The following KCNB2 variants were observed in gnomAD, a reference collection of about 807,000 sequenced individuals.
The protein encoded by KCNB2 is potassium voltage-gated channel subfamily B member 2.
A neutral mutation model predicts 61.5 loss-of-function variants in KCNB2; 15 were observed. That is an observed-to-expected ratio of 0.24 (90% CI 0.16 to 0.38). KCNB2 has a LOEUF of 0.38. Among genes scored for constraint, KCNB2 ranks in the 10% least tolerant of loss-of-function variants. The pLI is 1.00. For synonymous variants in KCNB2, 457 were observed against 446.0 expected, an observed-to-expected ratio of 1.02 and a Z score of -0.31; for missense variants, 828 against 1,125.2, an observed-to-expected ratio of 0.74 and a Z score of 3.78.
chr8:72,538,261 G>C (rs1181374255), intron 1 of KCNB2, among the ~76,000 whole-genome samples: 1 of 152,148 alleles, frequency 6.6e-6, no homozygotes, highest in Admixed American at 6.5e-5. Context: ...ACGATCCTCA[G>C]AACACAGAGA....
chr8:72,695,118 T>G (rs1806999245), intron 2 of KCNB2, among the ~76,000 whole-genome samples: 1 of 152,180 alleles, frequency 6.6e-6, no homozygotes, highest in Admixed American at 6.5e-5. Context: ...ATTTGAGGAC[T>G]AAATGATATA....
At chr8:72,591,322 C>T (rs577708179) in intron 2 of KCNB2, among the ~76,000 whole-genome samples, 5 of 152,260 alleles carry the variant, frequency 3.3e-5, no homozygotes, top group African/African-American at 9.6e-5. Flanking sequence ...TCTTTCAGGG[C>T]ATCCAATAGG....
intron 1 of KCNB2, among the ~76,000 whole-genome samples, chr8:72,558,186 C>T (rs917363095): frequency 6.6e-6 from 1 of 152,102 alleles, no homozygotes; most frequent in African/African-American, 2.4e-5. Flanking sequence ...AGGTTTAAGC[C>T]CTCATGGCAA....
chr8:72,632,018 C>T (rs1218375619), intron 2 of KCNB2, among the ~76,000 whole-genome samples: 1 of 152,060 alleles, frequency 6.6e-6, no homozygotes, highest in Admixed American at 6.6e-5. Flanking sequence ...AGGAGGATCA[C>T]TTGAGGCCAG....
intron 2 of KCNB2, among the ~76,000 whole-genome samples, chr8:72,735,096 A>G (rs1307297853): frequency 6.6e-6 from 1 of 152,180 alleles, no homozygotes; most frequent in Admixed American, 6.6e-5. Context: ...GAGCATCACC[A>G]TGATTCATAG....
chr8:72,786,854 T>C (rs1338776566), intron 2 of KCNB2, among the ~76,000 whole-genome samples: 1 of 152,134 alleles, frequency 6.6e-6, no homozygotes. Context: ...AGAACAGACA[T>C]CTCATTTTCC....
At chr8:72,708,359 A>G (rs1807268499) in intron 2 of KCNB2, among the ~76,000 whole-genome samples, 1 of 152,238 alleles carries the variant, frequency 6.6e-6, no homozygotes, top group African/African-American at 2.4e-5. Context: ...ATTGTTGGAC[A>G]AACAGCTAAG....
intron 2 of KCNB2, among the ~76,000 whole-genome samples, chr8:72,866,370 G>A (rs1805518707): frequency 6.6e-6 from 1 of 152,188 alleles, no homozygotes; most frequent in African/African-American, 2.4e-5. Flanking sequence ...GACAGTCAAT[G>A]GAGCAAGCTG....
intron 2 of KCNB2, among the ~76,000 whole-genome samples, chr8:72,802,480 C>T (rs946931446): frequency 6.6e-6 from 1 of 152,170 alleles, no homozygotes; most frequent in Non-Finnish European, 1.5e-5. Flanking sequence ...TAATTAAATA[C>T]AAGTTGTAGT....
At chr8:72,790,294 A>C (rs1232297502) in intron 2 of KCNB2, among the ~76,000 whole-genome samples, 2 of 152,166 alleles carry the variant, frequency 1.3e-5, no homozygotes, top group Non-Finnish European at 1.5e-5. Context: ...GTCAGCACCC[A>C]GAGGAACTCG....
intron 2 of KCNB2, among the ~76,000 whole-genome samples, chr8:72,808,660 C>A (rs1332103024): frequency 1.3e-5 from 2 of 152,074 alleles, no homozygotes; most frequent in African/African-American, 2.4e-5. Context: ...TTTTCTAATA[C>A]CATTGAGGAT....
intron 2 of KCNB2, among the ~76,000 whole-genome samples, chr8:72,633,386 T>TTC (rs1805912750): frequency 6.6e-6 from 1 of 152,144 alleles, no homozygotes; most frequent in Non-Finnish European, 1.5e-5. Context: ...TTAGATTGGT[T>TTC]TCTTTTGGGT....
At chr8:72,809,520 T>C (rs895081126) in intron 2 of KCNB2, among the ~76,000 whole-genome samples, 4 of 152,236 alleles carry the variant, frequency 2.6e-5, no homozygotes, top group African/African-American at 9.6e-5. Flanking sequence ...GTAAATTTGA[T>C]TAGCTCAGGG....
intron 2 of KCNB2, among the ~76,000 whole-genome samples, chr8:72,769,034 C>T (rs143341717): frequency 1.2e-3 from 186 of 152,202 alleles, no homozygotes; most frequent in African/African-American, 4.0e-3. Flanking sequence ...GTGGCACATG[C>T]CTGTAATCCC....
intron 2 of KCNB2, among the ~76,000 whole-genome samples, chr8:72,572,932 C>T (rs564948080): frequency 1.3e-4 from 20 of 152,266 alleles, no homozygotes; most frequent in South Asian, 4.2e-4. Flanking sequence ...CATGGTGCAG[C>T]GCGGCACCTG....
At chr8:72,819,771 T>C (rs746083918) in intron 2 of KCNB2, among the ~76,000 whole-genome samples, 1 of 152,136 alleles carries the variant, frequency 6.6e-6, no homozygotes, top group Non-Finnish European at 1.5e-5. Context: ...TTCCAATCTC[T>C]TCCCTCCCAA....
chr8:72,673,208 G>C (rs1441195644), intron 2 of KCNB2, among the ~76,000 whole-genome samples: 1 of 152,170 alleles, frequency 6.6e-6, no homozygotes, highest in Non-Finnish European at 1.5e-5. Context: ...TGGTGATATG[G>C]TTTGGCTATG....
chr8:72,621,387 A>T, intron 2 of KCNB2, among the ~76,000 whole-genome samples: 1 of 152,188 alleles, frequency 6.6e-6, no homozygotes, highest in South Asian at 2.1e-4. Context: ...GAAAGATGGG[A>T]TGGAGTATAA....
chr8:72,901,607 A>G (rs961986597), intron 2 of KCNB2, among the ~76,000 whole-genome samples: 3 of 152,146 alleles, frequency 2.0e-5, no homozygotes, highest in Non-Finnish European at 2.9e-5. Context: ...GATGAGCCAT[A>G]GTTTATGGTC....
Sources: allele counts gnomAD v4.1 joint callset (sites outside exome capture counted in the v4.1 genomes callset), GRCh38; gene constraint gnomAD v4.1.1; transcripts MANE v1.5; gene names NCBI Gene and HGNC (gene_info 2026-07-23, HGNC 2026-07-21).